FRYL: variants seen among roughly 807,000 people sequenced by gnomAD.
The protein encoded by FRYL is protein furry homolog-like.
FRYL carries 150 observed loss-of-function variants against 351.2 expected under a neutral mutation model. The ratio of observed to expected loss-of-function variants is 0.43; its 90% CI spans 0.37 to 0.49. FRYL has a LOEUF of 0.49. Among genes scored for constraint, FRYL ranks in the 20% least tolerant of loss-of-function variants. The pLI, the probability that FRYL is intolerant of heterozygous loss-of-function variation, is 0.00. For synonymous variants in FRYL, 1,153 were observed against 1,257.1 expected, an observed-to-expected ratio of 0.92 and a Z score of 1.75; for missense variants, 3,036 against 3,619.3, an observed-to-expected ratio of 0.84 and a Z score of 4.13.
At chr4:48,656,555 GTAATGTATACATATATGCATTATATA>G in intron 3 of FRYL, among the ~76,000 whole-genome samples, 1 of 116,166 alleles carries the variant, frequency 8.6e-6, no homozygotes, top group Non-Finnish European at 1.7e-5. Flanking sequence ...AATGTATATA[GTAATGTATACATATATGCATTATATA>G]TAATGTATAT....
At chr4:48,663,407 C>A (rs1321559576) in intron 3 of FRYL, among the ~76,000 whole-genome samples, 2 of 150,830 alleles carry the variant, frequency 1.3e-5, no homozygotes, top group Non-Finnish European at 3.0e-5. Context: ...CTAAAAACTA[C>A]ACAATTAATC....
Position 48,510,932 on chromosome 4 carries a change from C to T in FRYL, c.8198G>A (p.Gly2733Asp), listed in dbSNP as rs371294682. ...EITNEAVSFLGDSLQRIGTKF... is the reference protein window; with the variant it reads ...EITNEAVSFLDDSLQRIGTKF... ...GGTACCAATGCGTTGCAGACTATCA[C>T]CAAGAAAGCTGACTGCCTCATTAGT... Residue 2733 changes from glycine to aspartate, a missense_variant, in exon 58 of 64, where the codon GGT (glycine) becomes GAT (aspartate). Gly to Asp is a moderately conservative substitution (Grantham distance 94, BLOSUM62 -1). Coordinates refer to ENST00000358350, the MANE Select transcript of FRYL (RefSeq NM_015030.2). 1 of 1,612,408 alleles carries T rather than the reference C, an allele frequency of 6.2e-7. No individual in the cohort carries two copies. Among genetic ancestry groups the T allele is most frequent in the Non-Finnish European group, 8.5e-7 (1 of 1,178,824 alleles).
intron 20 of FRYL, among the ~76,000 whole-genome samples, 181 bp downstream of exon 20, chr4:48,582,316 A>T (rs965285061): frequency 6.6e-6 from 1 of 152,254 alleles, no homozygotes; most frequent in Non-Finnish European, 1.5e-5. Flanking sequence ...TTAGACACAT[A>T]AACACTATAT....
chr4:48,646,430 G>A (rs538430180), intron 3 of FRYL, among the ~76,000 whole-genome samples: 1 of 152,280 alleles, frequency 6.6e-6, no homozygotes, highest in South Asian at 2.1e-4. Context: ...AAAATAGCAT[G>A]CTTAATGAAA....
In FRYL at chr4:48,540,935, C is replaced by T; in HGVS notation, c.5713G>A (p.Gly1905Arg). The T allele has an allele frequency of 6.2e-7, 1 of 1,600,374 alleles. No homozygotes were observed. The highest frequency in any genetic ancestry group is 2.2e-5 in the East Asian group (1 of 44,612). Residue 1905 changes from glycine to arginine, a missense_variant, in exon 46 of 64, where the codon GGA becomes AGA. Gly to Arg is a moderately radical substitution (Grantham distance 125, BLOSUM62 -2). Coordinates refer to ENST00000358350, the MANE Select transcript of FRYL (RefSeq NM_015030.2). ...TTCCTGTTAGCTGCATACTTGTTTC[C>T]CATTATAGGATCATGATATGAGGTT... ...SQTSYHDPIM[G>R]NKYAANRKST...
At chr4:48,741,311 A>C (rs1479737575) in intron 1 of FRYL, among the ~76,000 whole-genome samples, 1 of 152,182 alleles carries the variant, frequency 6.6e-6, no homozygotes, top group Non-Finnish European at 1.5e-5. Context: ...TGGGAGGCCG[A>C]GGCAGGCGGA....
At chr4:48,653,577 C>G in intron 3 of FRYL, 1 of 437,218 alleles carries the variant, frequency 2.3e-6, no homozygotes, top group Non-Finnish European at 3.8e-6. Flanking sequence ...TACTGATTAC[C>G]ATTCAAGAAA....
intron 3 of FRYL, among the ~76,000 whole-genome samples, chr4:48,671,523 T>C (rs6818954): frequency 0.51 from 76,904 of 151,658 alleles, 19,901 homozygotes; most frequent in South Asian, 0.61. Context: ...CAAAATTAGC[T>C]GGGTGTGATA....
At chr4:48,685,091 T>A (rs1765016181) in intron 2 of FRYL, among the ~76,000 whole-genome samples, 1 of 152,154 alleles carries the variant, frequency 6.6e-6, no homozygotes, top group African/African-American at 2.4e-5. Context: ...TTCCCCAACC[T>A]CTATCCCACC....
At chr4:48,751,487 T>G (rs1773244608) in intron 1 of FRYL, among the ~76,000 whole-genome samples, 1 of 152,178 alleles carries the variant, frequency 6.6e-6, no homozygotes, top group Non-Finnish European at 1.5e-5. Context: ...AGGACATCAT[T>G]TCGGGGAGTC....
At position 48,536,047 on chromosome 4, in the gene FRYL, G is replaced by A. The variant is rs544309579; in HGVS notation, c.6394-220C>T. Among the ~76,000 whole-genome samples the A allele has an allele frequency of 1.6e-4, 25 of 152,234 alleles. No homozygotes were observed. The South Asian group carries it at 3.5e-3, about 21-fold the overall frequency. On this transcript the variant is annotated intron_variant, in intron 47 of 63. Coordinates refer to ENST00000358350, the MANE Select transcript of FRYL (RefSeq NM_015030.2). ...CAGAAAGAGGATTAATGTCTTTGTGGGTACTAAATAGTACGGCCTTCTTCA... is the reference window on the plus strand; with the variant it reads ...CAGAAAGAGGATTAATGTCTTTGTGAGTACTAAATAGTACGGCCTTCTTCA...
chr4:48,561,274 G>A (rs968671907), intron 33 of FRYL, among the ~76,000 whole-genome samples, 194 bp downstream of exon 33: 2 of 152,086 alleles, frequency 1.3e-5, no homozygotes, highest in East Asian at 1.9e-4. Flanking sequence ...CTATAAGGAC[G>A]CCGTTGATAG....
intron 1 of FRYL, among the ~76,000 whole-genome samples, chr4:48,770,694 C>G (rs1448618351): frequency 6.6e-6 from 1 of 152,132 alleles, no homozygotes; most frequent in Non-Finnish European, 1.5e-5. Flanking sequence ...GCCTCAGCCT[C>G]CCAAAGTGCT....
chr4:48,628,091 A>G (rs1460210083), intron 4 of FRYL, among the ~76,000 whole-genome samples: 1 of 152,160 alleles, frequency 6.6e-6, no homozygotes, highest in Non-Finnish European at 1.5e-5. Flanking sequence ...AGTATTTTTT[A>G]AAAGACAAAC....
rs191439070 is a variant in FRYL, at chr4:48,592,159, T to C, written c.1336-1329A>G. Among the ~76,000 whole-genome samples the C allele has an allele frequency of 3.7e-3, 543 of 147,996 alleles. 8 individuals are homozygous for C. Among genetic ancestry groups the C allele is most frequent in the Middle Eastern group, 0.017 (5 of 292 alleles). On this transcript the variant is annotated intron_variant, in intron 16 of 63. Transcript: ENST00000358350. ...AAAGTTTAAGCTTCACTCTTCTTTA[T>C]ATACGACATAGTACTGGTGCCCTCC...
chr4:48,710,626 C>T lies in FRYL; in HGVS notation c.-311G>A, dbSNP rs190054985. 1.0e-5 allele frequency: 4 copies of T among 398,458 alleles called. No individual in the cohort carries two copies. Among genetic ancestry groups the T allele is most frequent in the South Asian group, 1.3e-4 (1 of 7,820 alleles). The allele number at this position is 398,458 out of a possible 1,614,324, so 24.7% of individuals were successfully genotyped here. A position where few individuals can be genotyped will look rare whatever the true frequency, so the allele number is the denominator to read the frequency against. On this transcript the variant is annotated 5_prime_UTR_variant, in exon 2 of 64. Transcript: ENST00000358350. ...CTGGAGCTTGTACTTTACAGGCACT[C>T]GAGTGGGCACACTGGTACAAAGCAG...
chr4:48,692,836 ACTATTAT>A (rs775828327), intron 2 of FRYL, among the ~76,000 whole-genome samples: 59 of 152,374 alleles, frequency 3.9e-4, no homozygotes, highest in Non-Finnish European at 7.9e-4. Flanking sequence ...AACTACCTGT[ACTATTAT>A]CTATAAAAAT....
intron 2 of FRYL, among the ~76,000 whole-genome samples, chr4:48,701,088 A>G (rs936555801): frequency 6.6e-6 from 1 of 152,176 alleles, no homozygotes; most frequent in Non-Finnish European, 1.5e-5. Context: ...GAAACACCAA[A>G]ACTGTTAAAT....
chr4:48,603,877 G>A (rs189114601), intron 11 of FRYL, among the ~76,000 whole-genome samples: 218 of 152,284 alleles, frequency 1.4e-3, no homozygotes, highest in African/African-American at 5.2e-3. Flanking sequence ...GGGGCCTGCT[G>A]CCCAAGAAGC....
Sources: allele counts gnomAD v4.1 joint callset (sites outside exome capture counted in the v4.1 genomes callset), GRCh38; gene constraint gnomAD v4.1.1; transcripts MANE v1.5; gene names NCBI Gene and HGNC (gene_info 2026-07-23, HGNC 2026-07-21).